The following SPIDR variants were observed in gnomAD, a reference collection of about 807,000 sequenced individuals.
SPIDR encodes the protein scaffold protein involved in DNA repair, also known as DNA repair-scaffolding protein.
SPIDR carries 93 observed loss-of-function variants against 104.6 expected under a neutral mutation model. The observed-to-expected ratio is 0.89, with a 90% CI of 0.75 to 1.06. The LOEUF (loss-of-function observed/expected upper bound fraction) is 1.06. SPIDR is among the 50% of genes least tolerant of loss of function. The pLI is 0.00. For missense variants in SPIDR, 1,154 were observed against 1,111.2 expected (o/e 1.04, Z -0.55); for synonymous variants, 431 against 416.9 (o/e 1.03, Z -0.41).
chr8:47,445,301 T>C (rs1322568914), intron 8 of SPIDR, among the ~76,000 whole-genome samples: 1 of 152,218 alleles, frequency 6.6e-6, no homozygotes, highest in African/African-American at 2.4e-5. Context: ...TTATCTATTA[T>C]GGTGATCCGT....
intron 8 of SPIDR, among the ~76,000 whole-genome samples, chr8:47,475,823 T>C (rs1464811522): frequency 6.6e-6 from 1 of 152,196 alleles, no homozygotes. Flanking sequence ...CCGCACCCCT[T>C]TTTGTAAAGC....
At chr8:47,349,637 T>C (rs1554620902) in intron 5 of SPIDR, among the ~76,000 whole-genome samples, 15 of 152,200 alleles carry the variant, frequency 9.9e-5, no homozygotes, top group Non-Finnish European at 1.5e-4. Context: ...AGTTCGAGCT[T>C]CCTGGCCAGT....
At chr8:47,381,496 T>C (rs553581859) in intron 5 of SPIDR, among the ~76,000 whole-genome samples, 1 of 152,362 alleles carries the variant, frequency 6.6e-6, no homozygotes, top group East Asian at 1.9e-4. Context: ...CTCTTTGTTC[T>C]TTCCTTATGG....
At chr8:47,675,236 A>G (rs1386300463) in intron 11 of SPIDR, among the ~76,000 whole-genome samples, 4 of 152,140 alleles carry the variant, frequency 2.6e-5, no homozygotes, top group Non-Finnish European at 5.9e-5. Flanking sequence ...GGGTTTCACC[A>G]TGTTGGTCAG....
chr8:47,395,001 C>T (rs560082932), intron 5 of SPIDR, among the ~76,000 whole-genome samples: 8 of 152,000 alleles, frequency 5.3e-5, no homozygotes, highest in Non-Finnish European at 1.2e-4. Flanking sequence ...AGGTGACTAC[C>T]CAAGCAGTTT....
At position 47,401,476 on chromosome 8, in the gene SPIDR, A is replaced by G. The variant is rs141718302; in HGVS notation, c.776+4850A>G. On this transcript the variant is annotated intron_variant, in intron 6 of 19. Transcript: ENST00000297423. Reference sequence around the variant, plus strand: ...CATAATGACAGGATCAAATTCACACATAACAATATAAACCTTAAATATAAA... The same window carrying G: ...CATAATGACAGGATCAAATTCACACGTAACAATATAAACCTTAAATATAAA... Among the ~76,000 whole-genome samples, 550 of 152,294 alleles carry G rather than the reference A, an allele frequency of 3.6e-3. 3 individuals are homozygous for G. The highest frequency in any genetic ancestry group is 0.013 in the African/African-American group (526 of 41,564).
At chr8:47,346,505 T>C (rs1433167510) in intron 5 of SPIDR, among the ~76,000 whole-genome samples, 1 of 152,216 alleles carries the variant, frequency 6.6e-6, no homozygotes, top group Non-Finnish European at 1.5e-5. Flanking sequence ...GAGGATTCCC[T>C]CTTTTTCTAT....
At chr8:47,385,266 T>A (rs1179748857) in intron 5 of SPIDR, among the ~76,000 whole-genome samples, 1 of 151,826 alleles carries the variant, frequency 6.6e-6, no homozygotes, top group Non-Finnish European at 1.5e-5. Context: ...CGTAAGGTCT[T>A]CCTATATATA....
At chr8:47,412,181 G>A (rs76416986) in intron 7 of SPIDR, among the ~76,000 whole-genome samples, 4 of 152,054 alleles carry the variant, frequency 2.6e-5, no homozygotes, top group East Asian at 3.9e-4. Flanking sequence ...GTTTTTTCCA[G>A]TTCTGTGAAG....
chr8:47,553,426 G>C (rs2090871443), intron 8 of SPIDR, among the ~76,000 whole-genome samples: 1 of 152,052 alleles, frequency 6.6e-6, no homozygotes, highest in Admixed American at 6.5e-5. Context: ...CATATTTTTT[G>C]GAGGCATTGT....
intron 14 of SPIDR, among the ~76,000 whole-genome samples, chr8:47,712,349 A>C (rs2082003019): frequency 6.6e-6 from 1 of 152,206 alleles, no homozygotes; most frequent in Non-Finnish European, 1.5e-5. Flanking sequence ...TGTAATTAAC[A>C]TTCTAAGTAT....
intron 10 of SPIDR, among the ~76,000 whole-genome samples, chr8:47,645,711 T>C (rs2070207467): frequency 6.6e-6 from 1 of 152,082 alleles, no homozygotes. Flanking sequence ...CCCAAATATA[T>C]ACAGGAACTT....
chr8:47,625,389 C>A (rs1231203813), intron 10 of SPIDR, among the ~76,000 whole-genome samples: 2 of 152,154 alleles, frequency 1.3e-5, no homozygotes, highest in South Asian at 2.1e-4. Flanking sequence ...CTGGCCAGGG[C>A]AGTCAGGCAG....
intron 10 of SPIDR, among the ~76,000 whole-genome samples, chr8:47,665,613 G>A (rs1354868243): frequency 4.6e-5 from 7 of 152,178 alleles, no homozygotes; most frequent in African/African-American, 1.4e-4. Context: ...ATACATATCT[G>A]TGGAAATGTT....
intron 5 of SPIDR, among the ~76,000 whole-genome samples, chr8:47,296,943 A>G (rs2040952221): frequency 6.6e-6 from 1 of 152,178 alleles, no homozygotes; most frequent in Admixed American, 6.5e-5. Context: ...TAGTATATAC[A>G]TCTATTGCCT....
chr8:47,391,952 C>T (rs1173091631), intron 5 of SPIDR, among the ~76,000 whole-genome samples: 3 of 146,448 alleles, frequency 2.0e-5, no homozygotes, highest in East Asian at 2.0e-4. Context: ...GCCGAGATTG[C>T]GCCACTGCAC....
chr8:47,690,692 G>A (rs185887880), intron 11 of SPIDR, among the ~76,000 whole-genome samples: 122 of 152,096 alleles, frequency 8.0e-4, no homozygotes, highest in Middle Eastern at 3.4e-3. Context: ...GGTGGCATGC[G>A]CCTGTAGTTG....
chr8:47,554,205 C>T (rs1252776129), intron 8 of SPIDR, among the ~76,000 whole-genome samples: 1 of 152,180 alleles, frequency 6.6e-6, no homozygotes. Context: ...GTCAGGGACC[C>T]ACTTGAGGAG....
Position 47,400,897 on chromosome 8 carries a change from G to A in SPIDR, c.776+4271G>A, listed in dbSNP as rs145189303. Among the ~76,000 whole-genome samples the A allele has an allele frequency of 4.6e-5, 7 of 152,196 alleles. No individual in the cohort carries two copies. In the East Asian group the frequency reaches 1.3e-3, roughly 29 times the overall value. On this transcript the variant is annotated intron_variant, in intron 6 of 19. Coordinates refer to ENST00000297423, the MANE Select transcript of SPIDR (RefSeq NM_001080394.4). ...AAAGTTACAGGGAGAATGGAACCAT[G>A]TTGGAAAACACTCTTCAGGATATTA...
Sources: gnomAD v4.1 joint callset for allele counts (sites outside exome capture counted in the v4.1 genomes callset) on GRCh38, gnomAD v4.1.1 for gene constraint, MANE v1.5 for transcripts, NCBI Gene and HGNC (gene_info 2026-07-23, HGNC 2026-07-21) for gene names.